Variants in FGF11 observed in about 807,000 individuals in gnomAD.
FGF11 encodes fibroblast growth factor 11.
A neutral mutation model predicts 25.1 loss-of-function variants in FGF11; 25 were observed. The ratio of observed to expected loss-of-function variants is 1.00; its 90% CI spans 0.73 to 1.39. The LOEUF (loss-of-function observed/expected upper bound fraction) is 1.39, where lower values mean the gene tolerates loss of function less well. FGF11 is among the 40% of genes most tolerant of loss of function. The pLI is 0.00. For synonymous variants in FGF11, 130 were observed against 128.9 expected, an observed-to-expected ratio of 1.01 and a Z score of -0.06; for missense variants, 320 against 311.0, an observed-to-expected ratio of 1.03 and a Z score of -0.22.
Position 7,441,958 on chromosome 17 carries a change from T to G in FGF11, c.408+79T>G, listed in dbSNP as rs972012154. On this transcript the variant is annotated intron_variant, in intron 3 of 4. Coordinates refer to ENST00000293829, the MANE Select transcript of FGF11 (RefSeq NM_004112.4). ...TTTGTCCCTTGAGGGAATGACAACC[T>G]TCCTCAACTACAGACATTTTGCCCG... The G allele has an allele frequency of 1.0e-5, 11 of 1,079,374 alleles. No individual in the cohort carries two copies. In the Admixed American group the frequency reaches 1.3e-4, roughly 13 times the overall value. 66.9% of individuals were successfully genotyped at this position (1,079,374 alleles called of 1,614,324 possible).
At chr17:7,438,975 A>G (rs4151121), upstream of FGF11, 48,392 of 151,892 alleles carry the variant, frequency 0.32, 8,316 homozygotes, top group Non-Finnish European at 0.37. Flanking sequence ...GGTATTATCC[A>G]GCCAGAGGGT....
In FGF11 at chr17:7,443,248, C is replaced by G. The variant is rs1283724093; in HGVS notation, c.*102C>G. ...TCTCACCCCTGCTGCCACACACATG[C>G]CCTGAGCAGCCAGGTCCCACTAGGT... On this transcript the variant is annotated 3_prime_UTR_variant, in exon 5 of 5. Transcript: ENST00000293829. 4 of 735,800 alleles carry G rather than the reference C, an allele frequency of 5.4e-6. No homozygotes were observed. Among genetic ancestry groups the G allele is most frequent in the Non-Finnish European group, 9.1e-6 (4 of 438,854 alleles). The allele number at this position is 735,800 out of a possible 1,614,324, so 45.6% of individuals were successfully genotyped here. A position where few individuals can be genotyped will look rare whatever the true frequency, so the allele number is the denominator to read the frequency against.
At chr17:7,441,732 G>A (rs913273598) in intron 2 of FGF11, 44 bp from the exon 3 acceptor site, 29 of 1,564,724 alleles carry the variant, frequency 1.9e-5, no homozygotes, top group Non-Finnish European at 2.4e-5. Context: ...GCTCAGGTGA[G>A]GGTCAGAGGC....
chr17:7,444,890 G>C lies in FGF11; in HGVS notation c.*1744G>C, dbSNP rs891381290. 20 of 594,716 alleles carry C rather than the reference G, an allele frequency of 3.4e-5. No individual in the cohort carries two copies. The highest frequency in any genetic ancestry group is 5.7e-5 in the Non-Finnish European group (19 of 333,336). The allele number at this position is 594,716 out of a possible 1,614,324, so 36.8% of individuals were successfully genotyped here. A position where few individuals can be genotyped will look rare whatever the true frequency, so the allele number is the denominator to read the frequency against. On this transcript the variant is annotated 3_prime_UTR_variant, in exon 5 of 5. Coordinates refer to ENST00000293829, the MANE Select transcript of FGF11 (RefSeq NM_004112.4). ...CTCCTGGCACTGCTCCCAGGGGATC[G>C]GGTCTCCACTCCAGCTTTCTCAATT...
Position 7,443,247 on chromosome 17 carries a change from G to A in FGF11, c.*101G>A, listed in dbSNP as rs914293912. ...CTCTCACCCCTGCTGCCACACACAT[G>A]CCCTGAGCAGCCAGGTCCCACTAGG... is the stretch of plus-strand genomic sequence containing the variant. On this transcript the variant is annotated 3_prime_UTR_variant, in exon 5 of 5. Coordinates refer to ENST00000293829, the MANE Select transcript of FGF11 (RefSeq NM_004112.4). The A allele has an allele frequency of 8.2e-6, 6 of 735,944 alleles. No individual in the cohort carries two copies. Among genetic ancestry groups the A allele is most frequent in the African/African-American group, 5.3e-5 (3 of 56,618 alleles). The allele number at this position is 735,944 out of a possible 1,614,324, so 45.6% of individuals were successfully genotyped here. A position where few individuals can be genotyped will look rare whatever the true frequency, so the allele number is the denominator to read the frequency against.
At chr17:7,442,986 G>A (rs1008052741) in intron 4 of FGF11, 90 bp from the exon 5 acceptor site, 3 of 1,208,504 alleles carry the variant, frequency 2.5e-6, no homozygotes, top group Non-Finnish European at 3.6e-6. Flanking sequence ...GTGAATGTAC[G>A]GGAAGGGAGC....
rs1016162703 is a variant in FGF11, at chr17:7,440,232, C to T, written c.193+419C>T. ...GCTCCAGCCGCACGCCCCCCCCCAG[C>T]CCCCGCCTGCCCCGGTTCTCCCGCT... is the stretch of plus-strand genomic sequence containing the variant. On this transcript the variant is annotated intron_variant, in intron 1 of 4. Transcript: ENST00000293829. The surrounding 1 kb of genome is among the most constrained non-coding windows in gnomAD (Gnocchi z 5.4). The T allele has an allele frequency of 6.3e-5, 10 of 159,496 alleles. No homozygotes were observed. Among genetic ancestry groups the T allele is most frequent in the Non-Finnish European group, 9.5e-5 (7 of 73,642 alleles). 9.9% of individuals were successfully genotyped at this position (159,496 alleles called of 1,614,324 possible).
upstream of FGF11, chr17:7,439,467 G>A (rs560464724): frequency 3.7e-5 from 20 of 537,322 alleles, no homozygotes; most frequent in Admixed American, 2.6e-4. Context: ...GGTACGTGAG[G>A]GGGGGGGTCT....
upstream of FGF11, chr17:7,438,919 C>T (rs559748521): frequency 6.6e-6 from 1 of 152,002 alleles, no homozygotes; most frequent in Non-Finnish European, 1.5e-5. Flanking sequence ...GGGTCTTGGC[C>T]GCTAGAATTC....
In FGF11 at chr17:7,439,673, C is replaced by T. The variant is rs1908220108; in HGVS notation, c.53C>T (p.Pro18Leu). 1 of 1,532,330 alleles carries T rather than the reference C, an allele frequency of 6.5e-7. No individual in the cohort carries two copies. Among genetic ancestry groups the T allele is most frequent in the South Asian group, 1.2e-5 (1 of 80,998 alleles). The allele number at this position is 1,532,330 out of a possible 1,614,324, so 94.9% of individuals were successfully genotyped here. Reference sequence around the variant, plus strand: ...CGGCAGAAGCGGGAGGTCCGCGAGCCCGGGGGCAGCCGGCCGGTGTCGGCG... The same window carrying T: ...CGGCAGAAGCGGGAGGTCCGCGAGCTCGGGGGCAGCCGGCCGGTGTCGGCG... Reference protein sequence around the residue: ...LIRQKREVREPGGSRPVSAQR... With the variant: ...LIRQKREVRELGGSRPVSAQR... Residue 18 changes from proline to leucine, a missense_variant, in exon 1 of 5, where the codon CCC becomes CTC. Pro to Leu is a moderately conservative substitution (Grantham distance 98). Transcript: ENST00000293829.
At chr17:7,442,396 G>T in intron 3 of FGF11, 198 bp from the exon 4 acceptor site, 1 of 1,398,686 alleles carries the variant, frequency 7.1e-7, no homozygotes, top group Non-Finnish European at 9.3e-7. Flanking sequence ...GAGCCACTGT[G>T]CTTGGCCCAG....
chr17:7,442,663 G>A lies in FGF11; in HGVS notation c.478G>A (p.Ala160Thr). The A allele has an allele frequency of 6.2e-7, 1 of 1,614,166 alleles. No individual in the cohort carries two copies. Among genetic ancestry groups the A allele is most frequent in the Non-Finnish European group, 8.5e-7 (1 of 1,180,038 alleles). Residue 160 changes from alanine (A) to threonine (T), a missense_variant, in exon 4 of 5, where the codon GCT becomes ACT. Ala to Thr is a moderately conservative substitution (Grantham distance 58, BLOSUM62 0). Transcript: ENST00000293829. The part of the protein sequence containing the change: ...FENYYVLYAS[A>T]LYRQRRSGRA... The stretch of plus-strand genomic sequence containing the variant: ...GAATTACTACGTCCTGTACGCCTCT[G>A]CTCTCTACCGCCAGCGTCGTTCTGG...
At position 7,440,160 on chromosome 17, in the gene FGF11, G is replaced by A. The variant is rs779733877; in HGVS notation, c.193+347G>A. 2.2e-5 allele frequency: 5 copies of A among 223,196 alleles called. No individual in the cohort carries two copies. Among genetic ancestry groups the A allele is most frequent in the Middle Eastern group, 1.4e-3 (1 of 714 alleles). 13.8% of individuals were successfully genotyped at this position (223,196 alleles called of 1,614,324 possible). On this transcript the variant is annotated intron_variant, in intron 1 of 4. Transcript: ENST00000293829. This position sits in a 1 kb window ranked among gnomAD's most constrained non-coding sequence, Gnocchi z 5.4. ...GCGATTCTTTCAATCTGGAGCGGAG[G>A]GGCCCGGGGGTTTCCAGATGCCTGG...
At chr17:7,441,205 C>T (rs1314186078) in intron 1 of FGF11, 1 of 374,328 alleles carries the variant, frequency 2.7e-6, no homozygotes, top group African/African-American at 2.1e-5. Flanking sequence ...TCTGGTTGAG[C>T]TGTAGGGTAG....
At chr17:7,438,494 C>A (rs1180248767), upstream of FGF11, 2 of 153,186 alleles carry the variant, frequency 1.3e-5, no homozygotes, top group African/African-American at 2.4e-5. Context: ...GAGCCGAAGC[C>A]AGCGCCACCC....
At position 7,439,648 on chromosome 17, in the gene FGF11, C is replaced by A; in HGVS notation, c.28C>A (p.Arg10=). The part of the protein sequence containing the change: MAALASSLI[R]QKREVREPGG... ...GGCGGCGCTGGCCAGTAGCCTGATC[C>A]GGCAGAAGCGGGAGGTCCGCGAGCC... The change falls in exon 1 of 5, where the codon CGG becomes AGG. Residue 10 remains arginine (R), a synonymous_variant. Transcript: ENST00000293829. The A allele has an allele frequency of 2.0e-6, 3 of 1,503,154 alleles. No individual in the cohort carries two copies. The highest frequency in any genetic ancestry group is 2.6e-6 in the Non-Finnish European group (3 of 1,134,488). 93.1% of individuals were successfully genotyped at this position (1,503,154 alleles called of 1,614,324 possible). A position where few individuals can be genotyped will look rare whatever the true frequency, so the allele number is the denominator to read the frequency against.
chr17:7,439,936 G>A (rs1008166736), intron 1 of FGF11, 123 bp downstream of exon 1: 10 of 740,500 alleles, frequency 1.4e-5, no homozygotes, highest in Non-Finnish European at 2.0e-5. Flanking sequence ...GGGTGGGCCA[G>A]GACGACAAAG....
rs1258377507 is a variant in FGF11, at chr17:7,442,583, T to C, written c.409-11T>C. 1.1e-5 allele frequency: 18 copies of C among 1,613,998 alleles called. No homozygotes were observed. The highest frequency in any genetic ancestry group is 1.7e-5 in the Admixed American group (1 of 60,000). On this transcript the variant is annotated splice_polypyrimidine_tract_variant and intron_variant, in intron 3 of 4. Coordinates refer to ENST00000293829, the MANE Select transcript of FGF11 (RefSeq NM_004112.4). ...GTCTTTGTGCGCCTTTCTGGGTCTT[T>C]GTCTCCTTAGCCGCATTTCACAGCT...
In FGF11 at chr17:7,441,199, G is replaced by T; in HGVS notation, c.194-272G>T. 5 of 370,112 alleles carry T rather than the reference G, an allele frequency of 1.4e-5. No homozygotes were observed. The highest frequency in any genetic ancestry group is 2.5e-5 in the Non-Finnish European group (5 of 198,334). The allele number at this position is 370,112 out of a possible 1,614,324, so 22.9% of individuals were successfully genotyped here. On this transcript the variant is annotated intron_variant, in intron 1 of 4. Transcript: ENST00000293829. ...CCTCCCCCACTCCTTCCCCCTTCTGGTTGAGCTGTAGGGTAGGAATTAAGC... is the reference window on the plus strand; with the variant it reads ...CCTCCCCCACTCCTTCCCCCTTCTGTTTGAGCTGTAGGGTAGGAATTAAGC...
Sources: gnomAD v4.1 joint callset for allele counts on GRCh38, gnomAD v4.1.1 for gene constraint, Gnocchi (gnomAD v3.1) non-coding constraint, MANE v1.5 for transcripts, NCBI Gene and HGNC (gene_info 2026-07-23, HGNC 2026-07-21) for gene names.